Variants in NF2 observed in about 807,000 individuals in gnomAD.
The protein encoded by NF2 is NF2, moesin-ezrin-radixin like (MERLIN) tumor suppressor, also known as merlin.
Under a neutral mutation model 83.7 loss-of-function variants are expected in NF2, and 8 were observed. That is an observed-to-expected ratio of 0.10 (90% CI 0.06 to 0.17). NF2 has a LOEUF of 0.17. Among genes scored for constraint, NF2 ranks in the 10% least tolerant of loss-of-function variants. The probability of loss-of-function intolerance (pLI) is 1.00; values close to 1 mark genes in which losing one functional copy is unlikely to be tolerated. For synonymous variants in NF2, 266 were observed against 269.6 expected (o/e 0.99, Z 0.13); for missense variants, 533 against 744.4 (o/e 0.72, Z 3.31).
Position 29,694,916 on chromosome 22 carries a change from C to A in NF2, c.*114C>A. ...AGCTGGCTGGGGGTTTCCGTGGGAG[C>A]TCCAGAACTTTCCCCAGCTGAGTGA... On this transcript the variant is annotated 3_prime_UTR_variant, in exon 16 of 16. Coordinates refer to ENST00000338641, the MANE Select transcript of NF2 (RefSeq NM_000268.4). The surrounding 1 kb of genome is among the most constrained non-coding windows in gnomAD (Gnocchi z 4.1). 9.0e-7 allele frequency: 1 copy of A among 1,113,888 alleles called. No individual in the cohort carries two copies. 69.0% of individuals were successfully genotyped at this position (1,113,888 alleles called of 1,614,324 possible).
At chr22:29,689,216 A>C (rs896163651) in intron 15 of NF2, among the ~76,000 whole-genome samples, 3 of 149,894 alleles carry the variant, frequency 2.0e-5, no homozygotes, top group Non-Finnish European at 4.4e-5. Flanking sequence ...AGTAAAGAAA[A>C]GCTTGATCTG....
At position 29,697,069 on chromosome 22, in the gene NF2, G is replaced by GGCT. The variant is rs756940867; in HGVS notation, c.*2268_*2270dup. 11 of 192,288 alleles carry GGCT rather than the reference G, an allele frequency of 5.7e-5. No individual in the cohort carries two copies. Among genetic ancestry groups the GGCT allele is most frequent in the Non-Finnish European group, 9.8e-5 (9 of 92,036 alleles). 11.9% of individuals were successfully genotyped at this position (192,288 alleles called of 1,614,324 possible). A position where few individuals can be genotyped will look rare whatever the true frequency, so the allele number is the denominator to read the frequency against. On this transcript the variant is annotated 3_prime_UTR_variant, in exon 16 of 16. Transcript: ENST00000338641. ...TGACCTCAGGTGATCCTCCCACCCC[G>GGCT]GCTTCCCAAAGTTCTGGGATTATAG...
chr22:29,604,478 C>A (rs536982595), intron 1 of NF2, among the ~76,000 whole-genome samples: 2 of 152,160 alleles, frequency 1.3e-5, no homozygotes, highest in African/African-American at 4.8e-5. Flanking sequence ...TATTGGAAAG[C>A]CAATACTTGT....
chr22:29,690,692 C>T (rs1403910023), intron 15 of NF2, among the ~76,000 whole-genome samples: 1 of 152,220 alleles, frequency 6.6e-6, no homozygotes, highest in East Asian at 1.9e-4. Context: ...CGAGAGAGAA[C>T]TTAATTCCTC....
At chr22:29,674,734 C>A in intron 12 of NF2, 102 bp from the exon 13 acceptor site, 1 of 974,768 alleles carries the variant, frequency 1.0e-6, no homozygotes, top group Non-Finnish European at 1.6e-6. Flanking sequence ...TGGGTGCCAT[C>A]CTCAGGGTTA....
intron 8 of NF2, among the ~76,000 whole-genome samples, chr22:29,663,402 G>A (rs2066530099): frequency 6.6e-6 from 1 of 152,216 alleles, no homozygotes; most frequent in South Asian, 2.1e-4. Context: ...AACTCATGCA[G>A]TAAGCAGACC....
At chr22:29,656,105 G>A (rs2857637) in intron 6 of NF2, among the ~76,000 whole-genome samples, 55,400 of 151,354 alleles carry the variant, frequency 0.37, 10,981 homozygotes, top group Non-Finnish European at 0.47. Flanking sequence ...TGCCCAGCTA[G>A]TTTTTCTATT....
intron 1 of NF2, among the ~76,000 whole-genome samples, chr22:29,606,281 A>G (rs1051669685): frequency 8.5e-5 from 13 of 152,170 alleles, no homozygotes; most frequent in Non-Finnish European, 1.8e-4. Context: ...TCTTCCACCT[A>G]GTCCCTACTT....
intron 6 of NF2, among the ~76,000 whole-genome samples, chr22:29,657,533 T>G (rs1011108365): frequency 1.3e-5 from 2 of 152,198 alleles, no homozygotes; most frequent in Non-Finnish European, 2.9e-5. Flanking sequence ...TTTTTAAAAA[T>G]TCATTGAGAG....
intron 13 of NF2, among the ~76,000 whole-genome samples, chr22:29,675,776 T>C (rs1161556593): frequency 6.6e-6 from 1 of 151,646 alleles, no homozygotes; most frequent in African/African-American, 2.4e-5. Flanking sequence ...TACCCATACA[T>C]ACATTGATGC....
chr22:29,658,448 A>G (rs1264012499), intron 7 of NF2, among the ~76,000 whole-genome samples, 184 bp downstream of exon 7: 1 of 152,204 alleles, frequency 6.6e-6, no homozygotes. Context: ...CTTCAATTAG[A>G]TCATAGGTAA....
At chr22:29,629,507 A>AT (rs1477305196) in intron 1 of NF2, among the ~76,000 whole-genome samples, 1 of 152,208 alleles carries the variant, frequency 6.6e-6, no homozygotes, top group Non-Finnish European at 1.5e-5. Flanking sequence ...TAGGCCAGCT[A>AT]TGGCTGCAGA....
At chr22:29,630,680 T>C (rs1431150979) in intron 1 of NF2, among the ~76,000 whole-genome samples, 1 of 152,166 alleles carries the variant, frequency 6.6e-6, no homozygotes, top group South Asian at 2.1e-4. Flanking sequence ...GCCCTCCACC[T>C]CTCTCTTTCC....
chr22:29,653,241 C>T lies in NF2; in HGVS notation c.448-1416C>T, dbSNP rs573057979. On this transcript the variant is annotated intron_variant, in intron 4 of 15. Coordinates refer to ENST00000338641, the MANE Select transcript of NF2 (RefSeq NM_000268.4). ...CGGGCAGATCACAACATCAGAAGTC[C>T]GAGACCAGCCTGGCCAACATGGTGA... Among the ~76,000 whole-genome samples the T allele has an allele frequency of 9.7e-4, 148 of 152,100 alleles. 1 individual carries two copies. Among genetic ancestry groups the T allele is most frequent in the Admixed American group, 1.5e-3 (23 of 15,256 alleles).
At chr22:29,687,172 G>A (rs2067290371) in intron 15 of NF2, among the ~76,000 whole-genome samples, 1 of 152,186 alleles carries the variant, frequency 6.6e-6, no homozygotes. Flanking sequence ...TTGTGCCTGT[G>A]GTCTCCCAAG....
chr22:29,689,536 C>A (rs930113209), intron 15 of NF2, among the ~76,000 whole-genome samples: 2 of 151,974 alleles, frequency 1.3e-5, no homozygotes, highest in Non-Finnish European at 2.9e-5. Context: ...AGAGACCCAG[C>A]GCCTGGAGTT....
chr22:29,625,496 C>T lies in NF2; in HGVS notation c.115-11255C>T, dbSNP rs931830428. 5.3e-5 allele frequency among the ~76,000 whole-genome samples: 8 copies of T among 152,228 alleles called. 1 individual carries two copies. In the East Asian group the frequency reaches 1.4e-3, roughly 26 times the overall value. ...TAAAGCGTTTGAGGTTTTAAAAACC[C>T]AGAATTGAGTTTTCTCAGAGCTGCT... On this transcript the variant is annotated intron_variant, in intron 1 of 15. Transcript: ENST00000338641.
chr22:29,656,040 G>A (rs998096145), intron 6 of NF2, among the ~76,000 whole-genome samples: 1 of 151,536 alleles, frequency 6.6e-6, no homozygotes, highest in African/African-American at 2.4e-5. Flanking sequence ...CTGGGTTCAA[G>A]CAAACCTCCT....
At chr22:29,606,940 G>T (rs1454338086) in intron 1 of NF2, among the ~76,000 whole-genome samples, 1 of 152,148 alleles carries the variant, frequency 6.6e-6, no homozygotes, top group African/African-American at 2.4e-5. Context: ...AGCTACTTGG[G>T]AGGCTGAAGC....
Sources: gnomAD v4.1 joint callset for allele counts (sites outside exome capture counted in the v4.1 genomes callset) on GRCh38, gnomAD v4.1.1 for gene constraint, Gnocchi (gnomAD v3.1) non-coding constraint, MANE v1.5 for transcripts, NCBI Gene and HGNC (gene_info 2026-07-23, HGNC 2026-07-21) for gene names.